Variants in GOLGA1 observed in about 807,000 individuals in gnomAD.
GOLGA1 encodes golgin subfamily A member 1.
A neutral mutation model predicts 119.7 loss-of-function variants in GOLGA1; 63 were observed. The ratio of observed to expected loss-of-function variants is 0.53; its 90% CI spans 0.43 to 0.65. The LOEUF is 0.65. Among genes scored for constraint, GOLGA1 ranks in the 30% least tolerant of loss-of-function variants. The pLI is 0.00. For missense variants in GOLGA1, 798 were observed against 912.8 expected (o/e 0.87, Z 1.62); for synonymous variants, 318 against 333.4 (o/e 0.95, Z 0.50).
At chr9:124,942,153 C>G (rs1036649783), upstream of GOLGA1, among the ~76,000 whole-genome samples, 2 of 152,114 alleles carry the variant, frequency 1.3e-5, no homozygotes, top group African/African-American at 4.8e-5. Context: ...GCCTGTAATC[C>G]CAATTACTTG....
intron 9 of GOLGA1, 24 bp from the exon 10 acceptor site, chr9:124,921,264 T>C: frequency 7.3e-7 from 1 of 1,366,448 alleles, no homozygotes; most frequent in Non-Finnish European, 1.0e-6. Flanking sequence ...AAGCAGACAA[T>C]GAACAAATTT....
At chr9:124,885,787 C>G (rs755663178) in intron 19 of GOLGA1, among the ~76,000 whole-genome samples, 40 of 152,084 alleles carry the variant, frequency 2.6e-4, no homozygotes, top group Non-Finnish European at 4.7e-4. Flanking sequence ...CCACACAGGG[C>G]TTTGCGGGCC....
At position 124,941,051 on chromosome 9, in the gene GOLGA1, C is replaced by T. The variant is rs1393279112; in HGVS notation, c.-286G>A. On this transcript the variant is annotated 5_prime_UTR_variant, in exon 1 of 23. Coordinates refer to ENST00000373555, the MANE Select transcript of GOLGA1 (RefSeq NM_002077.4). ...CGGCCCGCGTCACCAACCCCCACCGCCCAGCCGGCGAGCCGAGCAGCGACC... is the reference window on the plus strand; with the variant it reads ...CGGCCCGCGTCACCAACCCCCACCGTCCAGCCGGCGAGCCGAGCAGCGACC... 1.3e-5 allele frequency: 2 copies of T among 152,310 alleles called. No homozygotes were observed. Among genetic ancestry groups the T allele is most frequent in the Non-Finnish European group, 2.9e-5 (2 of 68,096 alleles). The allele number at this position is 152,310 out of a possible 1,614,324, so 9.4% of individuals were successfully genotyped here. A position where few individuals can be genotyped will look rare whatever the true frequency, so the allele number is the denominator to read the frequency against.
chr9:124,902,818 C>G (rs1466058259), intron 12 of GOLGA1, among the ~76,000 whole-genome samples: 3 of 152,068 alleles, frequency 2.0e-5, no homozygotes, highest in African/African-American at 7.2e-5. Flanking sequence ...GGCCTAGGCT[C>G]CTCACATACA....
intron 3 of GOLGA1, among the ~76,000 whole-genome samples, chr9:124,932,992 T>G (rs1193995081): frequency 1.3e-5 from 2 of 152,166 alleles, no homozygotes; most frequent in Non-Finnish European, 2.9e-5. Flanking sequence ...ATATCAATTT[T>G]TGGAGACATA....
intron 15 of GOLGA1, among the ~76,000 whole-genome samples, chr9:124,894,319 G>A (rs1829917728): frequency 6.6e-6 from 1 of 152,014 alleles, no homozygotes; most frequent in African/African-American, 2.4e-5. Context: ...CTCATTGATA[G>A]CCATTTGGCT....
chr9:124,925,409 A>G (rs1830654688), intron 7 of GOLGA1, among the ~76,000 whole-genome samples: 1 of 141,214 alleles, frequency 7.1e-6, no homozygotes, highest in Non-Finnish European at 1.6e-5. Flanking sequence ...TGACTTTTCT[A>G]TAATTCTTTC....
At chr9:124,882,333 G>A (rs539801261) in intron 20 of GOLGA1, among the ~76,000 whole-genome samples, 177 bp downstream of exon 20, 6 of 152,332 alleles carry the variant, frequency 3.9e-5, no homozygotes, top group Non-Finnish European at 8.8e-5. Flanking sequence ...CTGCTTCAGA[G>A]GTGCATGCAG....
intron 7 of GOLGA1, among the ~76,000 whole-genome samples, chr9:124,924,314 C>CTGGTGTCA (rs1830629334): frequency 6.6e-6 from 1 of 152,122 alleles, no homozygotes; most frequent in African/African-American, 2.4e-5. Context: ...TTAGACATGA[C>CTGGTGTCA]TGGTGTCAGC....
intron 15 of GOLGA1, among the ~76,000 whole-genome samples, chr9:124,895,805 A>G (rs1285317149): frequency 6.7e-6 from 1 of 149,618 alleles, no homozygotes; most frequent in Non-Finnish European, 1.5e-5. Context: ...TCCCCAACAG[A>G]GACCCTCCAC....
chr9:124,936,543 C>T (rs1056684261), intron 3 of GOLGA1, among the ~76,000 whole-genome samples: 1 of 151,558 alleles, frequency 6.6e-6, no homozygotes, highest in Non-Finnish European at 1.5e-5. Flanking sequence ...TGGGCTCAAG[C>T]GATCCTCTTG....
At position 124,929,083 on chromosome 9, in the gene GOLGA1, C is replaced by T; in HGVS notation, c.301+133G>A. The stretch of plus-strand genomic sequence containing the variant: ...AATATCATCCAAATGTTATATCAAC[C>T]TGATTAAGAAGTACACTACTTATAA... On this transcript the variant is annotated intron_variant, in intron 5 of 22. Coordinates refer to ENST00000373555, the MANE Select transcript of GOLGA1 (RefSeq NM_002077.4). The T allele has an allele frequency of 4.6e-6, 3 of 650,164 alleles. No homozygotes were observed. In the South Asian group the frequency reaches 5.5e-5, roughly 12 times the overall value. The allele number at this position is 650,164 out of a possible 1,614,324, so 40.3% of individuals were successfully genotyped here.
chr9:124,914,279 C>T (rs1213637556), intron 10 of GOLGA1, among the ~76,000 whole-genome samples: 2 of 152,140 alleles, frequency 1.3e-5, no homozygotes, highest in East Asian at 1.9e-4. Context: ...GGGCAGATCA[C>T]GAGGTCAGGA....
intron 12 of GOLGA1, among the ~76,000 whole-genome samples, chr9:124,901,267 G>A (rs1202396875): frequency 1.9e-4 from 28 of 145,170 alleles, no homozygotes; most frequent in Admixed American, 7.8e-4. Context: ...CACCATGCCC[G>A]GCCTATTTTT....
At chr9:124,937,320 C>T (rs1307793409) in intron 3 of GOLGA1, among the ~76,000 whole-genome samples, 5 of 151,988 alleles carry the variant, frequency 3.3e-5, no homozygotes, top group African/African-American at 7.2e-5. Flanking sequence ...GACGTGGTGG[C>T]GGGTGCCTGT....
At chr9:124,883,289 C>T (rs1040873700) in intron 19 of GOLGA1, among the ~76,000 whole-genome samples, 6 of 149,462 alleles carry the variant, frequency 4.0e-5, no homozygotes, top group African/African-American at 1.2e-4. Flanking sequence ...TCTTCTTCTC[C>T]TTCTTTTTTT....
chr9:124,939,028 C>T (rs539038568), intron 2 of GOLGA1, among the ~76,000 whole-genome samples, 162 bp from the exon 3 acceptor site: 30 of 152,294 alleles, frequency 2.0e-4, no homozygotes, highest in Non-Finnish European at 3.8e-4. Flanking sequence ...GCTTCATATG[C>T]ATATACAGAT....
intron 6 of GOLGA1, among the ~76,000 whole-genome samples, chr9:124,927,058 G>C (rs556622531): frequency 2.6e-5 from 4 of 152,216 alleles, no homozygotes; most frequent in African/African-American, 9.6e-5. Flanking sequence ...CTTGTTCCTG[G>C]GAGTTTTGCC....
At chr9:124,915,620 C>A (rs190778642) in intron 10 of GOLGA1, among the ~76,000 whole-genome samples, 6 of 152,012 alleles carry the variant, frequency 3.9e-5, no homozygotes, top group Admixed American at 2.0e-4. Context: ...GAGGCCGAGG[C>A]AGGAGGCTTG....
Sources: allele counts gnomAD v4.1 joint callset (sites outside exome capture counted in the v4.1 genomes callset), GRCh38; gene constraint gnomAD v4.1.1; transcripts MANE v1.5; gene names NCBI Gene and HGNC (gene_info 2026-07-23, HGNC 2026-07-21).